PFAS: variants seen among roughly 807,000 people sequenced by gnomAD.
PFAS encodes FGAM synthase.
A neutral mutation model predicts 140.6 loss-of-function variants in PFAS; 97 were observed. That is an observed-to-expected ratio of 0.69 (90% CI 0.59 to 0.82). The LOEUF (loss-of-function observed/expected upper bound fraction) is 0.82, where lower values mean the gene tolerates loss of function less well. Among genes scored for constraint, PFAS ranks in the 40% least tolerant of loss-of-function variants. PFAS has a pLI of 0.00. For missense variants in PFAS, 1,656 were observed against 1,780.2 expected (o/e 0.93, Z 1.26); for synonymous variants, 679 against 718.8 (o/e 0.94, Z 0.88).
Position 8,267,529 on chromosome 17 carries a change from C to T in PFAS, c.3268-22C>T, listed in dbSNP as rs375950007. ...TCAGCTGCGTGTCCTCCCACCCACA[C>T]TCCCCCTCCCCACCTTCGCAGGTAT... is the stretch of plus-strand genomic sequence containing the variant. On this transcript the variant is annotated intron_variant, in intron 25 of 27. Coordinates refer to ENST00000314666, the MANE Select transcript of PFAS (RefSeq NM_012393.3). The surrounding 1 kb of genome is among the most constrained non-coding windows in gnomAD (Gnocchi z 4.9). The T allele has an allele frequency of 1.9e-6, 3 of 1,587,052 alleles. No homozygotes were observed. Among genetic ancestry groups the T allele is most frequent in the African/African-American group, 2.7e-5 (2 of 74,516 alleles).
At position 8,254,158 on chromosome 17, in the gene PFAS, C is replaced by T. The variant is rs929846689; in HGVS notation, c.143-8C>T. ...GTCTCAAGGTGTCCTTGCCCTGTCT[C>T]CCTGCAGCTGAGGCCCTCCCCAGTG... On this transcript the variant is annotated splice_region_variant and splice_polypyrimidine_tract_variant and intron_variant, in intron 2 of 27. Coordinates refer to ENST00000314666, the MANE Select transcript of PFAS (RefSeq NM_012393.3). The T allele has an allele frequency of 9.3e-6, 15 of 1,614,102 alleles. No homozygotes were observed. The highest frequency in any genetic ancestry group is 1.3e-5 in the Non-Finnish European group (15 of 1,180,004).
rs199556406 is a variant in PFAS, at chr17:8,254,251, G to A, written c.228G>A (p.Glu76=). The stretch of plus-strand genomic sequence containing the variant: ...TACTGCTGGATGATGTTGCTCGGGA[G>A]TCCTGGCTCCTTCCTGGCTCCAATG... ...CPLLLDDVAR[E]SWLLPGSNDL... The change falls in exon 3 of 28, where the codon GAG becomes GAA. Residue 76 remains glutamate, a synonymous_variant. Coordinates refer to ENST00000314666, the MANE Select transcript of PFAS (RefSeq NM_012393.3). 77 of 1,614,064 alleles carry A rather than the reference G, an allele frequency of 4.8e-5. No homozygotes were observed. The highest frequency in any genetic ancestry group is 6.4e-5 in the Non-Finnish European group (75 of 1,180,034).
At position 8,255,802 on chromosome 17, in the gene PFAS, T is replaced by G; in HGVS notation, c.575-3T>G. On this transcript the variant is annotated splice_polypyrimidine_tract_variant and splice_region_variant and intron_variant, in intron 5 of 27. Coordinates refer to ENST00000314666, the MANE Select transcript of PFAS (RefSeq NM_012393.3). ...GTCACCTCTTCCTGGATTTGTCTCC[T>G]AGGTCTGGCTTTAGACTCTTGGGAC... is the stretch of plus-strand genomic sequence containing the variant. The G allele has an allele frequency of 6.2e-7, 1 of 1,613,284 alleles. No homozygotes were observed. The highest frequency in any genetic ancestry group is 8.5e-7 in the Non-Finnish European group (1 of 1,179,260).
intron 11 of PFAS, chr17:8,262,611 T>A: frequency 3.4e-6 from 1 of 294,300 alleles, no homozygotes; most frequent in South Asian, 3.5e-5. Flanking sequence ...CTGGCCAAGA[T>A]GGTGAAACCC....
rs763084077 is a variant in PFAS at position 8,265,695 on chromosome 17, C to T, written c.2545+56C>T. 7.3e-5 allele frequency: 111 copies of T among 1,516,322 alleles called. 1 individual carries two copies. The highest frequency in any genetic ancestry group is 9.9e-5 in the Non-Finnish European group (108 of 1,091,048). 93.9% of individuals were successfully genotyped at this position (1,516,322 alleles called of 1,614,324 possible). A position where few individuals can be genotyped will look rare whatever the true frequency, so the allele number is the denominator to read the frequency against. ...TTGCTTGTGTGATCTTTGTTTGGCT[C>T]CTGCTTTGTGAGTGCTGGGCCCCCA... is the stretch of plus-strand genomic sequence containing the variant. On this transcript the variant is annotated intron_variant, in intron 20 of 27. Coordinates refer to ENST00000314666, the MANE Select transcript of PFAS (RefSeq NM_012393.3).
At position 8,269,374 on chromosome 17, in the gene PFAS, C is replaced by T. The variant is rs949020343; in HGVS notation, c.*110C>T. On this transcript the variant is annotated 3_prime_UTR_variant, in exon 28 of 28. Transcript: ENST00000314666. The stretch of plus-strand genomic sequence containing the variant: ...ATATTATTTCCAAAAATATCTTGGA[C>T]AGACAAGGACCAAAATGCCAAAATC... The T allele has an allele frequency of 6.8e-5, 52 of 763,248 alleles. No homozygotes were observed. The highest frequency in any genetic ancestry group is 1.1e-4 in the Non-Finnish European group (52 of 472,862). The allele number at this position is 763,248 out of a possible 1,614,324, so 47.3% of individuals were successfully genotyped here.
rs773477314 is a variant in PFAS at position 8,254,294 on chromosome 17, G to A, written c.271G>A (p.Gly91Arg). The change falls in exon 3 of 28, where the codon GGG becomes AGG. Residue 91 changes from glycine to arginine, a missense_variant. Physicochemically the swap from Gly to Arg is moderately radical, Grantham distance 125. Transcript: ENST00000314666. The part of the protein sequence containing the change: ...PGSNDLLLEV[G>R]PRLNFSTPTS... Reference sequence around the variant, plus strand: ...CTCCAATGACCTGCTGCTGGAGGTCGGGCCCAGGTAAGTATCTCATCCTGC... The same window carrying A: ...CTCCAATGACCTGCTGCTGGAGGTCAGGCCCAGGTAAGTATCTCATCCTGC... 1.9e-5 allele frequency: 31 copies of A among 1,613,992 alleles called. No homozygotes were observed. Among genetic ancestry groups the A allele is most frequent in the Non-Finnish European group, 2.5e-5 (29 of 1,179,998 alleles).
At chr17:8,255,368 T>C in intron 4 of PFAS, 134 bp from the exon 5 acceptor site, 1 of 730,918 alleles carries the variant, frequency 1.4e-6, no homozygotes, top group Non-Finnish European at 2.2e-6. Context: ...GGGCGTCTTT[T>C]TGTAATCTGA....
At chr17:8,268,403 A>G in intron 26 of PFAS, 130 bp from the exon 27 acceptor site, 2 of 640,368 alleles carry the variant, frequency 3.1e-6, no homozygotes, top group Non-Finnish European at 2.7e-6. Context: ...GAAGGAAAGG[A>G]AGGAAGGAGG....
Position 8,258,095 on chromosome 17 carries a change from A to G in PFAS, c.1232A>G (p.Gln411Arg), listed in dbSNP as rs1225263345. The G allele has an allele frequency of 6.2e-7, 1 of 1,613,984 alleles. No individual in the cohort carries two copies. Residue 411 changes from glutamine (Q) to arginine (R), a missense_variant, in exon 11 of 28, where the codon CAG becomes CGG. By Grantham distance (43) the Gln-to-Arg change is conservative. Coordinates refer to ENST00000314666, the MANE Select transcript of PFAS (RefSeq NM_012393.3). ...LAGFARSLGL[Q>R]LPDGQRREWI... ...GGCTTCGCCCGCTCCTTGGGCCTCC[A>G]GCTCCCAGACGGCCAGCGGCGTGAG...
At chr17:8,251,754 C>T (rs1295834223) in intron 1 of PFAS, among the ~76,000 whole-genome samples, 1 of 149,056 alleles carries the variant, frequency 6.7e-6, no homozygotes, top group Admixed American at 6.8e-5. Context: ...TCACTGCAAC[C>T]TCTGCTTCCC....
At chr17:8,265,694 T>C in intron 20 of PFAS, 55 bp downstream of exon 20, 1 of 1,514,620 alleles carries the variant, frequency 6.6e-7, no homozygotes, top group Non-Finnish European at 9.2e-7. Flanking sequence ...TTTGTTTGGC[T>C]CCTGCTTTGT....
chr17:8,260,539 G>A (rs1255517969), intron 11 of PFAS, among the ~76,000 whole-genome samples: 1 of 152,210 alleles, frequency 6.6e-6, no homozygotes, highest in African/African-American at 2.4e-5. Context: ...CCATTCCTTA[G>A]TTGGTGGACA....
rs753620146 is a variant in PFAS at position 8,266,461 on chromosome 17, G to T, written c.2821+108G>T. ...GTGCCCTCCAGTCCCCTTTCCCTGA[G>T]TCTTCCCTGACTAGCTTTTCTGTGC... On this transcript the variant is annotated intron_variant, in intron 22 of 27. Transcript: ENST00000314666. The surrounding 1 kb of genome is among the most constrained non-coding windows in gnomAD (Gnocchi z 5.0). The T allele has an allele frequency of 6.5e-7, 1 of 1,535,948 alleles. No individual in the cohort carries two copies. Among genetic ancestry groups the T allele is most frequent in the Admixed American group, 2.1e-5 (1 of 48,640 alleles).
chr17:8,250,661 A>G (rs188903602), intron 1 of PFAS, among the ~76,000 whole-genome samples: 1 of 152,248 alleles, frequency 6.6e-6, no homozygotes, highest in East Asian at 1.9e-4. Context: ...AGGGCCTTTG[A>G]ATGTTAGGCT....
rs755783932 is a variant in PFAS, at chr17:8,267,532, C to A, written c.3268-19C>A. 2 of 1,586,670 alleles carry A rather than the reference C, an allele frequency of 1.3e-6. No individual in the cohort carries two copies. The highest frequency in any genetic ancestry group is 2.2e-5 in the East Asian group (1 of 44,754). ...GCTGCGTGTCCTCCCACCCACACTCCCCCTCCCCACCTTCGCAGGTATGGG... is the reference window on the plus strand; with the variant it reads ...GCTGCGTGTCCTCCCACCCACACTCACCCTCCCCACCTTCGCAGGTATGGG... On this transcript the variant is annotated intron_variant, in intron 25 of 27. Coordinates refer to ENST00000314666, the MANE Select transcript of PFAS (RefSeq NM_012393.3). This position sits in a 1 kb window ranked among gnomAD's most constrained non-coding sequence, Gnocchi z 4.9.
intron 11 of PFAS, among the ~76,000 whole-genome samples, chr17:8,260,055 T>TGC (rs1262012814): frequency 6.6e-6 from 1 of 151,158 alleles, no homozygotes; most frequent in African/African-American, 2.4e-5. Flanking sequence ...GAGCCAAGTT[T>TGC]ACGCCACTGC....
chr17:8,258,325 A>G, intron 11 of PFAS, 126 bp downstream of exon 11: 1 of 1,024,278 alleles, frequency 9.8e-7, no homozygotes, highest in South Asian at 1.6e-5. Flanking sequence ...CTTATGTGTC[A>G]CATAATGATG....
rs765833948 is a variant in PFAS, at chr17:8,264,614, CCCTTCCTCTGCCCCCTGCCT to C, written c.2049+22_2049+41del. 6.3e-7 allele frequency: 1 copy of C among 1,592,632 alleles called. No individual in the cohort carries two copies. Among genetic ancestry groups the C allele is most frequent in the Non-Finnish European group, 8.5e-7 (1 of 1,169,760 alleles). ...CCTCACCAATAAGGTCCTCCCTGCA[CCCTTCCTCTGCCCCCTGCCT>C]CCTTCCTCCGCTCAGCCTCTTCTGC... On this transcript the variant is annotated intron_variant, in intron 17 of 27. Coordinates refer to ENST00000314666, the MANE Select transcript of PFAS (RefSeq NM_012393.3).
Sources: allele counts gnomAD v4.1 joint callset (sites outside exome capture counted in the v4.1 genomes callset), GRCh38; gene constraint gnomAD v4.1.1; non-coding constraint Gnocchi (gnomAD v3.1); transcripts MANE v1.5; gene names NCBI Gene and HGNC (gene_info 2026-07-23, HGNC 2026-07-21).